Variants in PDGFRB observed in about 807,000 individuals in gnomAD.
The protein encoded by PDGFRB is platelet derived growth factor receptor beta.
PDGFRB carries 42 observed loss-of-function variants against 120.2 expected under a neutral mutation model. That is an observed-to-expected ratio of 0.35 (90% confidence interval 0.27 to 0.45). PDGFRB has a LOEUF of 0.45. Among genes scored for constraint, PDGFRB ranks in the 20% least tolerant of loss-of-function variants. The pLI, the probability that PDGFRB is intolerant of heterozygous loss-of-function variation, is 1.00. For missense variants in PDGFRB, 1,149 were observed against 1,476.3 expected, an observed-to-expected ratio of 0.78 and a Z score of 3.63; for synonymous variants, 586 against 606.8, an observed-to-expected ratio of 0.97 and a Z score of 0.50.
chr5:150,117,659 A>C lies in PDGFRB; in HGVS notation c.3096T>G (p.Val1032=), dbSNP rs1454621667. The change falls in exon 22 of 23, where the codon GTT becomes GTG. Residue 1032 remains valine (V), a synonymous_variant. Coordinates refer to ENST00000261799, the MANE Select transcript of PDGFRB (RefSeq NM_002609.4). The part of the protein sequence containing the change: ...IIPLPDPKPE[V]ADEGPLEGSP... Reference sequence around the variant, plus strand: ...AACCCTCCAGTGGGCCCTCGTCAGCAACCTCGGGTTTGGGGTCAGGCAGGG... The same window carrying C: ...AACCCTCCAGTGGGCCCTCGTCAGCCACCTCGGGTTTGGGGTCAGGCAGGG... 2.5e-6 allele frequency: 4 copies of C among 1,613,654 alleles called. No individual in the cohort carries two copies. The South Asian group carries it at 4.4e-5, about 18-fold the overall frequency.
intron 1 of PDGFRB, chr5:150,137,343 T>TAGGGAAA: frequency 2.7e-6 from 1 of 375,950 alleles, no homozygotes; most frequent in South Asian, 3.7e-5. Flanking sequence ...TGCCTTAGTT[T>TAGGGAAA]CCCTGTCTGT....
intron 22 of PDGFRB, among the ~76,000 whole-genome samples, chr5:150,116,666 T>C (rs1054405632): frequency 8.6e-5 from 13 of 150,872 alleles, no homozygotes; most frequent in African/African-American, 3.2e-4. Context: ...AGGACACCAA[T>C]GTTTAGACAG....
chr5:150,120,186 G>A lies in PDGFRB; in HGVS notation c.2587-63C>T. Reference sequence around the variant, plus strand: ...GGACCTCAGCCCCACTCTGCACCTGGGATGGGAGGAGGGTATCTGGCAGCT... The same window carrying A: ...GGACCTCAGCCCCACTCTGCACCTGAGATGGGAGGAGGGTATCTGGCAGCT... On this transcript the variant is annotated intron_variant, in intron 18 of 22. Transcript: ENST00000261799. This position sits in a 1 kb window ranked among gnomAD's most constrained non-coding sequence, Gnocchi z 4.3. The A allele has an allele frequency of 1.3e-6, 1 of 781,030 alleles. No individual in the cohort carries two copies. The highest frequency in any genetic ancestry group is 2.4e-6 in the Non-Finnish European group (1 of 424,766). 48.4% of individuals were successfully genotyped at this position (781,030 alleles called of 1,614,324 possible).
intron 8 of PDGFRB, among the ~76,000 whole-genome samples, chr5:150,131,498 C>T (rs1222473110): frequency 1.3e-5 from 2 of 152,182 alleles, no homozygotes; most frequent in African/African-American, 4.8e-5. Context: ...CTTCCCTACC[C>T]GGCCCCTGTT....
rs192355633 is a variant in PDGFRB, at chr5:150,122,025, G to A, written c.2199C>T (p.Thr733=). The A allele has an allele frequency of 1.4e-4, 227 of 1,613,304 alleles. 1 individual carries two copies. Among genetic ancestry groups the A allele is most frequent in the African/African-American group, 1.0e-3 (75 of 74,984 alleles). ...CCATGTAGCCACCGTCGCTCTCCCC[G>A]GTCAAGGACACATGGCTGGGGGTAA... is the stretch of plus-strand genomic sequence containing the variant. ...GLPLPSHVSL[T]GESDGGYMDM... Residue 733 remains threonine, a synonymous_variant, in exon 16 of 23, where the codon ACC becomes ACT. Transcript: ENST00000261799.
intron 9 of PDGFRB, 137 bp downstream of exon 9, chr5:150,130,402 G>T: frequency 1.3e-6 from 1 of 792,358 alleles, no homozygotes; most frequent in East Asian, 2.4e-5. Context: ...GACCAAGGAG[G>T]TGGTGACCTG....
intron 4 of PDGFRB, among the ~76,000 whole-genome samples, chr5:150,134,317 G>T (rs540800507): frequency 6.6e-6 from 1 of 152,304 alleles, no homozygotes; most frequent in East Asian, 1.9e-4. Context: ...CACATAACAT[G>T]TGCCAGGTAC....
chr5:150,132,882 C>A lies in PDGFRB; in HGVS notation c.995G>T (p.Arg332Leu). ...GAACACTACCTGCAGTGTCCGGCTC[C>A]GATGCAGCTCAGCAAATTGTAGTGT... ...VGTLQFAELH[R>L]SRTLQVVFEA... The change falls in exon 7 of 23, where the codon CGG becomes CTG. Residue 332 changes from arginine (R) to leucine (L), a missense_variant. By Grantham distance (102) the Arg-to-Leu change is moderately radical (BLOSUM62 -2). This residue lies in a region of PDGFRB where 879 missense variants were observed against 1,108.6 expected (regional missense o/e 0.79). Transcript: ENST00000261799. This position sits in a 1 kb window ranked among gnomAD's most constrained non-coding sequence, Gnocchi z 5.0. The A allele has an allele frequency of 6.3e-7, 1 of 1,595,258 alleles. No individual in the cohort carries two copies. The highest frequency in any genetic ancestry group is 8.5e-7 in the Non-Finnish European group (1 of 1,171,786).
At chr5:150,131,176 G>A (rs1029173404) in intron 8 of PDGFRB, among the ~76,000 whole-genome samples, 4 of 151,964 alleles carry the variant, frequency 2.6e-5, no homozygotes, top group Non-Finnish European at 4.4e-5. Flanking sequence ...CTTCATTTCG[G>A]TCATAGTAAA....
intron 11 of PDGFRB, 112 bp from the exon 12 acceptor site, chr5:150,125,689 G>T: frequency 1.0e-6 from 1 of 952,938 alleles, no homozygotes; most frequent in Non-Finnish European, 1.6e-6. Context: ...CCCAGAGAGG[G>T]GCAGGGGCAT....
At chr5:150,134,086 G>A in intron 4 of PDGFRB, 78 bp from the exon 5 acceptor site, 2 of 1,292,122 alleles carry the variant, frequency 1.5e-6, no homozygotes, top group South Asian at 1.2e-5. Context: ...TAGGGTAGGG[G>A]GCTAGAGAGG....
At chr5:150,126,717 A>G in intron 10 of PDGFRB, 103 bp from the exon 11 acceptor site, 2 of 717,368 alleles carry the variant, frequency 2.8e-6, no homozygotes, top group Non-Finnish European at 2.6e-6. Context: ...CCTGTCCAGA[A>G]TAGAAGCGCC....
At position 150,120,816 on chromosome 5, in the gene PDGFRB, G is replaced by A; in HGVS notation, c.2586+72C>T. 6.9e-7 allele frequency: 1 copy of A among 1,447,750 alleles called. No individual in the cohort carries two copies. Among genetic ancestry groups the A allele is most frequent in the Non-Finnish European group, 9.7e-7 (1 of 1,035,142 alleles). 89.7% of individuals were successfully genotyped at this position (1,447,750 alleles called of 1,614,324 possible). On this transcript the variant is annotated intron_variant, in intron 18 of 22. Transcript: ENST00000261799. This position sits in a 1 kb window ranked among gnomAD's most constrained non-coding sequence, Gnocchi z 4.3. ...ATTTCCTATGAGCTGCAGCCACACT[G>A]GTCAGGAGGGAATCTGTTCCTGCGG...
Position 150,130,621 on chromosome 5 carries a change from T to C in PDGFRB, c.1285A>G (p.Ser429Gly). 2 of 1,612,706 alleles carry C rather than the reference T, an allele frequency of 1.2e-6. No homozygotes were observed. The highest frequency in any genetic ancestry group is 1.7e-6 in the Non-Finnish European group (2 of 1,179,594). ...CGACAGCGGACTGTCTGTTCCCCAC[T>C]GTCAGGGTGGCTCTCACTTAGCTCC... Reference protein sequence around the residue: ...VLELSESHPDSGEQTVRCRGR... With the variant: ...VLELSESHPDGGEQTVRCRGR... The change falls in exon 9 of 23, where the codon AGT becomes GGT. Residue 429 changes from serine (S) to glycine (G), a missense_variant. Physicochemically the swap from Ser to Gly is moderately conservative, Grantham distance 56. Coordinates refer to ENST00000261799, the MANE Select transcript of PDGFRB (RefSeq NM_002609.4).
intron 1 of PDGFRB, among the ~76,000 whole-genome samples, chr5:150,154,990 C>G (rs55946428): frequency 0.023 from 3,513 of 152,334 alleles, 62 homozygotes; most frequent in Middle Eastern, 0.051. Flanking sequence ...GGCCAAGGAA[C>G]AGCGGCTATG....
chr5:150,149,048 G>A lies in PDGFRB; in HGVS notation c.-7+6349C>T, dbSNP rs3822325. ...GACTTCAGGAAAGGTCTGCGGTGCTGTGTGAGGATTTTCTCTGGACCACCA... is the reference window on the plus strand; with the variant it reads ...GACTTCAGGAAAGGTCTGCGGTGCTATGTGAGGATTTTCTCTGGACCACCA... On this transcript the variant is annotated intron_variant, in intron 1 of 22. Transcript: ENST00000261799. 1.2e-4 allele frequency among the ~76,000 whole-genome samples: 18 copies of A among 152,328 alleles called. No homozygotes were observed. The East Asian group carries it at 3.1e-3, about 26-fold the overall frequency.
At chr5:150,143,504 G>T (rs1388705396) in intron 1 of PDGFRB, among the ~76,000 whole-genome samples, 1 of 152,202 alleles carries the variant, frequency 6.6e-6, no homozygotes, top group Non-Finnish European at 1.5e-5. Flanking sequence ...AGAGAAGGCT[G>T]CCAGTTCCAG....
At chr5:150,134,436 T>C (rs183628477) in intron 4 of PDGFRB, among the ~76,000 whole-genome samples, 289 of 152,352 alleles carry the variant, frequency 1.9e-3, no homozygotes, top group Non-Finnish European at 2.8e-3. Flanking sequence ...GTGCTTTGTG[T>C]AAAGTCACTC....
rs750040840 is a variant in PDGFRB at position 150,133,694 on chromosome 5, G to A, written c.826C>T (p.Leu276=). 4 of 1,614,078 alleles carry A rather than the reference G, an allele frequency of 2.5e-6. No homozygotes were observed. The highest frequency in any genetic ancestry group is 3.3e-5 in the Admixed American group (2 of 60,018). Residue 276 remains leucine (L), a synonymous_variant, in exon 6 of 23, where the codon CTG becomes TTG. Coordinates refer to ENST00000261799, the MANE Select transcript of PDGFRB (RefSeq NM_002609.4). ...LDMPYHIRSI[L]HIPSAELEDS... ...TCTAACTCGGCACTGGGGATGTGCA[G>A]GATGGAGCGGATGTGGTAAGGCATA...
Sources: allele counts gnomAD v4.1 joint callset (sites outside exome capture counted in the v4.1 genomes callset), GRCh38; gene constraint gnomAD v4.1.1; regional missense constraint gnomAD v4.1.1; non-coding constraint Gnocchi (gnomAD v3.1); transcripts MANE v1.5; gene names NCBI Gene and HGNC (gene_info 2026-07-23, HGNC 2026-07-21).